Variants in ECT2L observed in about 807,000 individuals in gnomAD.
ECT2L encodes the protein epithelial cell transforming 2 like.
ECT2L carries 126 observed loss-of-function variants against 122.8 expected under a neutral mutation model. The ratio of observed to expected loss-of-function variants is 1.03; its 90% CI spans 0.89 to 1.19. The LOEUF is 1.19. ECT2L is among the 50% of genes most tolerant of loss of function. The pLI, the probability that ECT2L is intolerant of heterozygous loss-of-function variation, is 0.00. For synonymous variants in ECT2L, 385 were observed against 381.8 expected (o/e 1.01, Z -0.10); for missense variants, 1,012 against 1,064.1 (o/e 0.95, Z 0.68).
intron 4 of ECT2L, among the ~76,000 whole-genome samples, chr6:138,826,047 C>T (rs751261690): frequency 2.8e-4 from 43 of 152,230 alleles, no homozygotes; most frequent in Non-Finnish European, 3.7e-4. Flanking sequence ...GCCTGTTCAG[C>T]TATCCCCGTC....
chr6:138,859,179 T>C (rs554738333), intron 10 of ECT2L, among the ~76,000 whole-genome samples: 1 of 152,350 alleles, frequency 6.6e-6, no homozygotes, highest in South Asian at 2.1e-4. Flanking sequence ...ATGTATTCTC[T>C]GTCTGACTTT....
In ECT2L at chr6:138,885,866, T is replaced by C. The variant is rs111874146; in HGVS notation, c.2259+36T>C. 198 of 1,592,904 alleles carry C rather than the reference T, an allele frequency of 1.2e-4. 1 individual carries two copies. The African/African-American group carries it at 2.4e-3, about 19-fold the overall frequency. The stretch of plus-strand genomic sequence containing the variant: ...GATAAGAATCTGTGTCCTTTAAACA[T>C]GTTACAATGCCTTTGTGGTACTCCC... On this transcript the variant is annotated intron_variant, in intron 18 of 21. Transcript: ENST00000541398.
intron 10 of ECT2L, among the ~76,000 whole-genome samples, chr6:138,855,149 A>G (rs774962763): frequency 3.3e-5 from 5 of 152,066 alleles, no homozygotes; most frequent in Non-Finnish European, 7.4e-5. Flanking sequence ...TTAAACATGT[A>G]AATTTACAAA....
Position 138,865,181 on chromosome 6 carries a change from A to G in ECT2L, c.1474+3A>G. On this transcript the variant is annotated splice_donor_region_variant and intron_variant, in intron 12 of 21. Transcript: ENST00000541398. ...GAGCATCAGTGGCAGGATGATAGGTAAGCAGTCTTGCTACTTCTGTTGCAG... is the reference window on the plus strand; with the variant it reads ...GAGCATCAGTGGCAGGATGATAGGTGAGCAGTCTTGCTACTTCTGTTGCAG... The G allele has an allele frequency of 6.2e-7, 1 of 1,602,930 alleles. No homozygotes were observed. The highest frequency in any genetic ancestry group is 1.7e-5 in the Admixed American group (1 of 59,394).
intron 12 of ECT2L, among the ~76,000 whole-genome samples, chr6:138,866,734 C>T (rs116838218): frequency 0.015 from 2,289 of 152,116 alleles, 40 homozygotes; most frequent in African/African-American, 0.048. Context: ...AAAAGATGTC[C>T]GTGTATGTAT....
At chr6:138,844,898 G>A (rs542723309) in intron 7 of ECT2L, among the ~76,000 whole-genome samples, 38 of 150,176 alleles carry the variant, frequency 2.5e-4, no homozygotes, top group Non-Finnish European at 4.4e-4. Flanking sequence ...AAATAGCTGC[G>A]ATTACAGGCA....
chr6:138,880,974 G>A lies in ECT2L; in HGVS notation c.1683G>A (p.Lys561=), dbSNP rs769275950. 34 of 1,613,762 alleles carry A rather than the reference G, an allele frequency of 2.1e-5. No homozygotes were observed. The Middle Eastern group carries it at 8.2e-4, about 39-fold the overall frequency. Reference sequence around the variant, plus strand: ...CTCTACAGGAGAGAATACTCCAGAAGGACTCAGCAGAAAAGCGAGCTAGAG... The same window carrying A: ...CTCTACAGGAGAGAATACTCCAGAAAGACTCAGCAGAAAAGCGAGCTAGAG... ...ALINLERILQ[K]DSAEKRARVV... is the part of the protein sequence containing the mutation. The change falls in exon 15 of 22, where the codon AAG becomes AAA. Residue 561 remains lysine (K), a synonymous_variant. Transcript: ENST00000541398.
In ECT2L at chr6:138,902,869, T is replaced by C. The variant is rs1562501730; in HGVS notation, c.*242T>C. On this transcript the variant is annotated 3_prime_UTR_variant, in exon 22 of 22. Coordinates refer to ENST00000541398, the MANE Select transcript of ECT2L (RefSeq NM_001077706.3). ...TACTTCTTTTGGTAGCTGTATTTCATGGATAATATTATTTAGAGTAATTTG... is the reference window on the plus strand; with the variant it reads ...TACTTCTTTTGGTAGCTGTATTTCACGGATAATATTATTTAGAGTAATTTG... 2.4e-6 allele frequency: 1 copy of C among 415,736 alleles called. No homozygotes were observed. The highest frequency in any genetic ancestry group is 4.3e-6 in the Non-Finnish European group (1 of 230,310). The allele number at this position is 415,736 out of a possible 1,614,324, so 25.8% of individuals were successfully genotyped here.
intron 9 of ECT2L, 81 bp downstream of exon 9, chr6:138,849,515 A>G (rs776469715): frequency 8.6e-6 from 12 of 1,390,614 alleles, no homozygotes; most frequent in Non-Finnish European, 1.0e-5. Context: ...CCGGAGGACT[A>G]TCTCAGTTCC....
At chr6:138,862,565 TTA>T in intron 10 of ECT2L, 60 bp from the exon 11 acceptor site, 1 of 1,482,718 alleles carries the variant, frequency 6.7e-7, no homozygotes, top group South Asian at 1.1e-5. Flanking sequence ...AATATCCAAG[TTA>T]TATGATCTTC....
At position 138,888,943 on chromosome 6, in the gene ECT2L, ACT is replaced by A. The variant is rs778053713; in HGVS notation, c.2329_2330del (p.Leu777IlefsTer9). 2.1e-5 allele frequency: 30 copies of A among 1,428,460 alleles called. No homozygotes were observed. The African/African-American group carries it at 3.8e-4, about 18-fold the overall frequency. 88.5% of individuals were successfully genotyped at this position (1,428,460 alleles called of 1,614,324 possible). A position where few individuals can be genotyped will look rare whatever the true frequency, so the allele number is the denominator to read the frequency against. On this transcript the variant is annotated frameshift_variant and splice_region_variant, in exon 20 of 22. Coordinates refer to ENST00000541398, the MANE Select transcript of ECT2L (RefSeq NM_001077706.3). LOFTEE classifies it high-confidence loss of function. ...DIQRIIWGCP[T>X]LSEVNRYLIR... ...TCTAATTTTGTTTTTGATTTTACAG[ACT>A]CTATCAGAAGTAAACAGATATCTGA...
In ECT2L at chr6:138,863,616, T is replaced by A. The variant is rs373008275; in HGVS notation, c.1291+897T>A. 3.9e-5 allele frequency among the ~76,000 whole-genome samples: 5 copies of A among 128,904 alleles called. No individual in the cohort carries two copies. The South Asian group carries it at 1.1e-3, about 29-fold the overall frequency. The allele number at this position is 128,904 out of a possible 152,430, so 84.6% of individuals were successfully genotyped here. ...GGTAATAGGGAACAGGTTTTCTTTC[T>A]TTTTTTTTTTTTGAGACAGAGTCTC... On this transcript the variant is annotated intron_variant, in intron 11 of 21. Coordinates refer to ENST00000541398, the MANE Select transcript of ECT2L (RefSeq NM_001077706.3).
At chr6:138,796,860 T>C (rs1405292507) in intron 1 of ECT2L, among the ~76,000 whole-genome samples, 1 of 152,246 alleles carries the variant, frequency 6.6e-6, no homozygotes, top group East Asian at 1.9e-4. Context: ...CCAAGCCTGT[T>C]AAAGTCTGTT....
intron 13 of ECT2L, among the ~76,000 whole-genome samples, chr6:138,876,200 T>C (rs542809195): frequency 6.6e-6 from 1 of 152,168 alleles, no homozygotes; most frequent in East Asian, 1.9e-4. Context: ...CAGCCCAGCA[T>C]CACTTCCCTG....
intron 4 of ECT2L, among the ~76,000 whole-genome samples, chr6:138,832,431 A>G (rs1776677913): frequency 1.3e-5 from 2 of 152,138 alleles, no homozygotes. Flanking sequence ...TGGTTCACAT[A>G]TGTATCTTCC....
intron 21 of ECT2L, among the ~76,000 whole-genome samples, 189 bp from the exon 22 acceptor site, chr6:138,902,311 T>G (rs1779428278): frequency 1.3e-5 from 2 of 152,262 alleles, no homozygotes; most frequent in Admixed American, 1.3e-4. Context: ...AACTGTAATA[T>G]AAAGACATCA....
intron 9 of ECT2L, among the ~76,000 whole-genome samples, chr6:138,850,994 C>CAAAAAAAAAAA (rs34453938): frequency 3.6e-4 from 21 of 57,780 alleles, no homozygotes; most frequent in Middle Eastern, 0.016. Flanking sequence ...AACTCCATCT[C>CAAAAAAAAAAA]AAAAAAAAAA....
At chr6:138,802,247 C>A (rs1311201429) in intron 1 of ECT2L, among the ~76,000 whole-genome samples, 4 of 152,244 alleles carry the variant, frequency 2.6e-5, no homozygotes, top group Admixed American at 6.5e-5. Flanking sequence ...GAAGTTAATT[C>A]TTCCCCAGTC....
chr6:138,890,492 C>CTTTTTTTTTTTTTTTG (rs1778980817), intron 20 of ECT2L, among the ~76,000 whole-genome samples: 1 of 78,990 alleles, frequency 1.3e-5, no homozygotes, highest in Non-Finnish European at 2.2e-5. Context: ...TTTCTTTGAT[C>CTTTTTTTTTTTTTTTG]TTTTTTTTTT....
Sources: allele counts gnomAD v4.1 joint callset (sites outside exome capture counted in the v4.1 genomes callset), GRCh38; gene constraint gnomAD v4.1.1; transcripts MANE v1.5; gene names NCBI Gene and HGNC (gene_info 2026-07-23, HGNC 2026-07-21).